Variants in SPMIP4 observed in about 807,000 individuals in gnomAD.
The protein encoded by SPMIP4 is sperm-associated microtubule inner protein 4.
the SPMIP4 span, among the ~76,000 whole-genome samples, chr7:25,162,163 C>T: frequency 1.3e-5 from 2 of 150,886 alleles, no homozygotes; most frequent in East Asian, 3.9e-4. Context: ...CCCAGCTACT[C>T]GGGAGGCTGA....
chr7:25,167,656 G>C, the SPMIP4 span, among the ~76,000 whole-genome samples: 1 of 152,136 alleles, frequency 6.6e-6, no homozygotes, highest in African/African-American at 2.4e-5. Context: ...TTAGAACAAA[G>C]AACTAGTTAA....
the SPMIP4 span, chr7:25,142,903 A>G: frequency 6.1e-6 from 6 of 981,858 alleles, no homozygotes; most frequent in Non-Finnish European, 8.6e-6. Context: ...GAGGCAAAGG[A>G]AATTCCAGGC....
At chr7:25,154,043 T>A in the SPMIP4 span, among the ~76,000 whole-genome samples, 101 of 152,324 alleles carry the variant, frequency 6.6e-4, no homozygotes, top group Non-Finnish European at 1.1e-3. Context: ...ACAGAGGAGT[T>A]CAGAAACTCT....
chr7:25,176,908 G>C, the SPMIP4 span, among the ~76,000 whole-genome samples: 85 of 152,336 alleles, frequency 5.6e-4, no homozygotes, highest in African/African-American at 1.9e-3. The surrounding 1 kb of genome is among the most constrained non-coding windows in gnomAD (Gnocchi z 4.4). Context: ...AAGGCTAAGC[G>C]CAAGAAGAAA....
At chr7:25,136,740 A>C in the SPMIP4 span, 2 of 1,614,114 alleles carry the variant, frequency 1.2e-6, no homozygotes, top group Non-Finnish European at 1.7e-6. The surrounding 1 kb of genome is among the most constrained non-coding windows in gnomAD (Gnocchi z 5.7). Flanking sequence ...TTAATCGGGC[A>C]ATTCGTCCTT....
At chr7:25,159,984 G>A in the SPMIP4 span, among the ~76,000 whole-genome samples, 38 of 119,226 alleles carry the variant, frequency 3.2e-4, no homozygotes, top group South Asian at 4.4e-3. Context: ...GATTTGATTC[G>A]AAATGAAAAA....
the SPMIP4 span, among the ~76,000 whole-genome samples, chr7:25,144,895 C>T: frequency 3.2e-3 from 479 of 152,054 alleles, 4 homozygotes; most frequent in African/African-American, 0.011. Context: ...TAAAGAAAGC[C>T]CCTTTTGATC....
the SPMIP4 span, among the ~76,000 whole-genome samples, chr7:25,176,846 G>C: frequency 0.6 from 91,715 of 152,162 alleles, 32,055 homozygotes; most frequent in Non-Finnish European, 0.78. This position sits in a 1 kb window ranked among gnomAD's most constrained non-coding sequence, Gnocchi z 4.4. Flanking sequence ...TTAGTATAAA[G>C]AGCATGTTTG....
the SPMIP4 span, among the ~76,000 whole-genome samples, chr7:25,149,228 T>C: frequency 6.6e-6 from 1 of 152,090 alleles, no homozygotes; most frequent in Non-Finnish European, 1.5e-5. Flanking sequence ...TAATGAGACT[T>C]CATCTCTTAA....
At chr7:25,165,616 G>A in the SPMIP4 span, among the ~76,000 whole-genome samples, 2 of 152,174 alleles carry the variant, frequency 1.3e-5, no homozygotes, top group African/African-American at 4.8e-5. Flanking sequence ...CCAAGGTGCT[G>A]GGATTACAGG....
At chr7:25,173,652 C>T in the SPMIP4 span, among the ~76,000 whole-genome samples, 3 of 152,144 alleles carry the variant, frequency 2.0e-5, no homozygotes, top group Non-Finnish European at 4.4e-5. The surrounding 1 kb of genome is among the most constrained non-coding windows in gnomAD (Gnocchi z 4.4). Context: ...TCAACAGACA[C>T]GATTTGGGGG....
chr7:25,141,208 G>A, the SPMIP4 span, among the ~76,000 whole-genome samples: 1 of 152,114 alleles, frequency 6.6e-6, no homozygotes, highest in African/African-American at 2.4e-5. Flanking sequence ...AATTCAGCCA[G>A]CTCTCAATTA....
chr7:25,155,147 G>A, the SPMIP4 span: 38 of 1,606,604 alleles, frequency 2.4e-5, no homozygotes, highest in African/African-American at 4.8e-4. Context: ...CGCGACAGAT[G>A]TGTGTGTGGT....
the SPMIP4 span, among the ~76,000 whole-genome samples, chr7:25,147,945 T>G: frequency 5.4e-4 from 82 of 152,318 alleles, no homozygotes; most frequent in Admixed American, 1.6e-3. Context: ...TAGAGCAGTA[T>G]GTTATACATA....
At chr7:25,154,072 G>GT in the SPMIP4 span, among the ~76,000 whole-genome samples, 1 of 152,222 alleles carries the variant, frequency 6.6e-6, no homozygotes, top group Non-Finnish European at 1.5e-5. Flanking sequence ...CCGCAGGTGA[G>GT]TAAGTGGCAG....
At chr7:25,166,701 A>G in the SPMIP4 span, among the ~76,000 whole-genome samples, 6 of 150,712 alleles carry the variant, frequency 4.0e-5, no homozygotes, top group African/African-American at 1.5e-4. Flanking sequence ...TGCCTGATCC[A>G]CATGGAGAAA....
At chr7:25,163,436 C>G in the SPMIP4 span, among the ~76,000 whole-genome samples, 2 of 152,152 alleles carry the variant, frequency 1.3e-5, no homozygotes, top group African/African-American at 2.4e-5. The surrounding 1 kb of genome is among the most constrained non-coding windows in gnomAD (Gnocchi z 4.4). Flanking sequence ...TTGTACCCCA[C>G]AAGAATGCTC....
the SPMIP4 span, among the ~76,000 whole-genome samples, chr7:25,133,576 A>G: frequency 1.3e-5 from 2 of 152,254 alleles, no homozygotes; most frequent in Non-Finnish European, 2.9e-5. Flanking sequence ...TATATAGTAG[A>G]CAAGTTCTGA....
At chr7:25,135,553 C>T in the SPMIP4 span, 118 of 965,264 alleles carry the variant, frequency 1.2e-4, no homozygotes, top group Middle Eastern at 5.3e-4. Flanking sequence ...GGACAGTGTT[C>T]TCATTTTTAT....
Sources: gnomAD v4.1 joint callset for allele counts (sites outside exome capture counted in the v4.1 genomes callset) on GRCh38, gnomAD v4.1.1 for gene constraint, Gnocchi (gnomAD v3.1) non-coding constraint, MANE v1.5 for transcripts, NCBI Gene and HGNC (gene_info 2026-07-23, HGNC 2026-07-21) for gene names.